GDPD5: variants seen among roughly 807,000 people sequenced by gnomAD.
The protein encoded by GDPD5 is glycerophosphodiester phosphodiesterase 2.
Under a neutral mutation model 75.1 loss-of-function variants are expected in GDPD5, and 48 were observed. That is an observed-to-expected ratio of 0.64 (90% CI 0.51 to 0.81). GDPD5 has a LOEUF of 0.81. Ranked by LOEUF, GDPD5 falls within the 40% of genes least tolerant of loss-of-function variation. The pLI, the probability that GDPD5 is intolerant of heterozygous loss-of-function variation, is 0.00. For synonymous variants in GDPD5, 336 were observed against 339.0 expected (o/e 0.99, Z 0.10); for missense variants, 706 against 822.6 (o/e 0.86, Z 1.73).
intron 7 of GDPD5, 31 bp downstream of exon 7, chr11:75,449,854 G>T: frequency 6.3e-7 from 1 of 1,587,232 alleles, no homozygotes; most frequent in Non-Finnish European, 8.6e-7. Context: ...GGCTCTTGTT[G>T]TGAGGGTCCT....
chr11:75,512,107 G>C (rs1413449480), intron 1 of GDPD5, among the ~76,000 whole-genome samples: 1 of 152,168 alleles, frequency 6.6e-6, no homozygotes, highest in Non-Finnish European at 1.5e-5. Context: ...AGGACAGATG[G>C]ATGGATGGAT....
chr11:75,486,528 C>T (rs1456905885), intron 2 of GDPD5, among the ~76,000 whole-genome samples: 1 of 152,186 alleles, frequency 6.6e-6, no homozygotes, highest in East Asian at 1.9e-4. Flanking sequence ...GGTGCAGGGC[C>T]ATGGTTTCCA....
intron 4 of GDPD5, among the ~76,000 whole-genome samples, chr11:75,460,596 C>A (rs918956021): frequency 5.3e-5 from 8 of 152,070 alleles, no homozygotes; most frequent in African/African-American, 1.9e-4. Context: ...AGGCATATGC[C>A]ACCACACCTG....
chr11:75,514,958 CTG>C (rs927811240), intron 1 of GDPD5, among the ~76,000 whole-genome samples: 2 of 152,208 alleles, frequency 1.3e-5, no homozygotes, highest in South Asian at 2.1e-4. Flanking sequence ...AGGTGAGCAA[CTG>C]AGGCTCAGAG....
At chr11:75,473,188 T>TG (rs1369369539) in intron 3 of GDPD5, among the ~76,000 whole-genome samples, 1 of 151,796 alleles carries the variant, frequency 6.6e-6, no homozygotes, top group East Asian at 1.9e-4. Context: ...GGTAGGGTGA[T>TG]GGGGGGCTCT....
intron 9 of GDPD5, among the ~76,000 whole-genome samples, chr11:75,446,909 A>C (rs1004695727): frequency 3.3e-5 from 5 of 152,060 alleles, no homozygotes; most frequent in African/African-American, 1.2e-4. Flanking sequence ...TTGAGACGGA[A>C]TTTCACTCTT....
At chr11:75,441,369 T>A (rs1166802173) in intron 13 of GDPD5, 59 bp from the exon 14 acceptor site, 2 of 1,596,100 alleles carry the variant, frequency 1.3e-6, no homozygotes, top group Admixed American at 3.3e-5. Context: ...AGGCCCAGTG[T>A]CGGGGCTGGT....
chr11:75,477,500 G>C, intron 3 of GDPD5, 119 bp downstream of exon 3: 2 of 498,932 alleles, frequency 4.0e-6, no homozygotes, highest in East Asian at 6.6e-5. Flanking sequence ...CTGAAACCCA[G>C]AAAGGCCATT....
intron 3 of GDPD5, among the ~76,000 whole-genome samples, chr11:75,470,442 G>A (rs1241679999): frequency 6.6e-6 from 1 of 151,978 alleles, no homozygotes; most frequent in African/African-American, 2.4e-5. Flanking sequence ...TTTAAGAAGG[G>A]TGGCCCAATA....
intron 6 of GDPD5, chr11:75,451,783 T>G (rs1178013531): frequency 6.6e-6 from 1 of 152,208 alleles, no homozygotes; most frequent in Admixed American, 6.5e-5. Flanking sequence ...CTAATACAAT[T>G]AAAAATGTTA....
rs534195404 is a variant in GDPD5 at position 75,441,626 on chromosome 11, G to C, written c.1325+20C>G. 7 of 1,544,272 alleles carry C rather than the reference G, an allele frequency of 4.5e-6. No homozygotes were observed. The East Asian group carries it at 9.6e-5, about 21-fold the overall frequency. Reference sequence around the variant, plus strand: ...CTCAGTCCCACCCTCTCCTGGAGGAGCCCAGGGCAGGGCAGGCACCTGAGC... The same window carrying C: ...CTCAGTCCCACCCTCTCCTGGAGGACCCCAGGGCAGGGCAGGCACCTGAGC... On this transcript the variant is annotated intron_variant, in intron 13 of 16. Coordinates refer to ENST00000336898, the MANE Select transcript of GDPD5 (RefSeq NM_030792.8).
Position 75,439,900 on chromosome 11 carries a change from A to G in GDPD5, c.1535T>C (p.Val512Ala), listed in dbSNP as rs1948738487. 6.2e-7 allele frequency: 1 copy of G among 1,613,842 alleles called. No homozygotes were observed. Among genetic ancestry groups the G allele is most frequent in the Non-Finnish European group, 8.5e-7 (1 of 1,179,920 alleles). ...TADLVSFTLI[V>A]GIFVLQKWRL... Reference sequence around the variant, plus strand: ...TCACTTCTGGAGCACGAAGATGCCCACGATGAGGGTGAAGGAGACCAGGTC... The same window carrying G: ...TCACTTCTGGAGCACGAAGATGCCCGCGATGAGGGTGAAGGAGACCAGGTC... Residue 512 changes from valine to alanine, a missense_variant, in exon 15 of 17, where the codon GTG becomes GCG. Coordinates refer to ENST00000336898, the MANE Select transcript of GDPD5 (RefSeq NM_030792.8).
intron 13 of GDPD5, among the ~76,000 whole-genome samples, 160 bp downstream of exon 13, chr11:75,441,486 T>A (rs1160783716): frequency 6.6e-6 from 1 of 152,296 alleles, no homozygotes; most frequent in South Asian, 2.1e-4. Context: ...ACGCTCACCC[T>A]CTTGTCTTTG....
At chr11:75,501,547 G>A (rs887071698) in intron 1 of GDPD5, among the ~76,000 whole-genome samples, 3 of 152,188 alleles carry the variant, frequency 2.0e-5, no homozygotes, top group Non-Finnish European at 4.4e-5. Flanking sequence ...TGCTCCAGGG[G>A]TGAAGCCTTT....
chr11:75,462,911 G>T (rs776341682), intron 3 of GDPD5, 22 bp from the exon 4 acceptor site: 1 of 1,591,380 alleles, frequency 6.3e-7, no homozygotes, highest in Non-Finnish European at 8.6e-7. Flanking sequence ...GAGGAGGAGG[G>T]GATTAAGTGG....
intron 1 of GDPD5, among the ~76,000 whole-genome samples, chr11:75,522,629 G>A (rs1044246745): frequency 1.3e-5 from 2 of 152,040 alleles, no homozygotes; most frequent in Middle Eastern, 3.2e-3. Context: ...CTCCTGTTGG[G>A]GGCCAGATGA....
rs779032524 is a variant in GDPD5 at position 75,493,926 on chromosome 11, AACTCACATT to A, written c.-144-3615_-144-3607del. The stretch of plus-strand genomic sequence containing the variant: ...TGAGGAACATCTTACAACATTCTGC[AACTCACATT>A]ACTCACATTAATGTAACATGAAGTC... On this transcript the variant is annotated intron_variant, in intron 1 of 16. Transcript: ENST00000336898. 1.1e-3 allele frequency among the ~76,000 whole-genome samples: 174 copies of A among 152,332 alleles called. 1 individual carries two copies. The highest frequency in any genetic ancestry group is 1.9e-3 in the Non-Finnish European group (126 of 68,038).
chr11:75,504,217 C>T lies in GDPD5; in HGVS notation c.-144-13897G>A, dbSNP rs559035744. Among the ~76,000 whole-genome samples, 4 of 152,366 alleles carry T rather than the reference C, an allele frequency of 2.6e-5. No individual in the cohort carries two copies. The East Asian group carries it at 7.7e-4, about 29-fold the overall frequency. ...AGCGGAAAACGAGAATGAATCCCAC[C>T]TACTACTCACTGCAAGTCTGCTGTA... On this transcript the variant is annotated intron_variant, in intron 1 of 16. Transcript: ENST00000336898.
At position 75,436,979 on chromosome 11, in the gene GDPD5, G is replaced by A. The variant is rs151185777; in HGVS notation, c.1626C>T (p.Thr542=). Residue 542 remains threonine (T), a synonymous_variant, in exon 16 of 17, where the codon ACC becomes ACT. Transcript: ENST00000336898. Reference sequence around the variant, plus strand: ...CCTTCATGATGCTGACGTCCCGGCTGGTCCGGCGCACCGCAGCACTCAGCA... The same window carrying A: ...CCTTCATGATGCTGACGTCCCGGCTAGTCCGGCGCACCGCAGCACTCAGCA... ...QIMLSAAVRR[T]SRDVSIMKEK... 17 of 1,613,432 alleles carry A rather than the reference G, an allele frequency of 1.1e-5. No individual in the cohort carries two copies. The African/African-American group carries it at 2.3e-4, about 22-fold the overall frequency.
Sources: gnomAD v4.1 joint callset for allele counts (sites outside exome capture counted in the v4.1 genomes callset) on GRCh38, gnomAD v4.1.1 for gene constraint, MANE v1.5 for transcripts, NCBI Gene and HGNC (gene_info 2026-07-23, HGNC 2026-07-21) for gene names.